The following CRLS1 variants were observed in gnomAD, a reference collection of about 807,000 sequenced individuals.
CRLS1 encodes cardiolipin synthase 1, also known as cardiolipin synthase (CMP-forming).
In CRLS1, 24 loss-of-function variants were observed where a neutral mutation model predicts 37.0. The observed-to-expected ratio is 0.65, with a 90% confidence interval of 0.47 to 0.91. CRLS1 has a LOEUF of 0.91. Ranked by LOEUF, CRLS1 falls within the 40% of genes least tolerant of loss-of-function variation. The pLI is 0.00. For synonymous variants in CRLS1, 135 were observed against 159.7 expected (o/e 0.85, Z 1.17); for missense variants, 373 against 395.8 (o/e 0.94, Z 0.49).
rs57347731 is a variant in CRLS1, at chr20:6,039,261, TTGTGTGTGTGTGTGTGTGTGTGTG to T, written c.*2123_*2146del. ...CACCAACTGTGCTTTGCAGTTTTGT[TTGTGTGTGTGTGTGTGTGTGTGTG>T]TGTGTGTGTGTGTGTGTGTATTTTG... On this transcript the variant is annotated 3_prime_UTR_variant, in exon 7 of 7. Transcript: ENST00000378863. 3.4e-5 allele frequency: 5 copies of T among 147,856 alleles called. No homozygotes were observed. The highest frequency in any genetic ancestry group is 4.0e-4 in the East Asian group (2 of 5,000). 9.2% of individuals were successfully genotyped at this position (147,856 alleles called of 1,614,324 possible).
intron 2 of CRLS1, among the ~76,000 whole-genome samples, chr20:6,014,849 G>A (rs1294009229): frequency 6.6e-6 from 1 of 152,158 alleles, no homozygotes; most frequent in Non-Finnish European, 1.5e-5. Context: ...AGGCCAGGTA[G>A]AGAGGATTGA....
At position 6,009,920 on chromosome 20, in the gene CRLS1, G is replaced by A; in HGVS notation, c.444+8G>A. On this transcript the variant is annotated splice_region_variant and intron_variant, in intron 2 of 6. Transcript: ENST00000378863. The stretch of plus-strand genomic sequence containing the variant: ...GCTGGACTAACAGATTTGGTAAGTT[G>A]TAAATGCACTCCCAGTTTGCTCTCC... 1 of 1,612,824 alleles carries A rather than the reference G, an allele frequency of 6.2e-7. No individual in the cohort carries two copies. Among genetic ancestry groups the A allele is most frequent in the Non-Finnish European group, 8.5e-7 (1 of 1,179,224 alleles).
At chr20:6,010,116 C>T (rs868386739) in intron 2 of CRLS1, among the ~76,000 whole-genome samples, 3 of 145,718 alleles carry the variant, frequency 2.1e-5, no homozygotes, top group Non-Finnish European at 3.0e-5. Flanking sequence ...AAGGAGGAAG[C>T]GAAAGTTGTA....
intron 3 of CRLS1, among the ~76,000 whole-genome samples, chr20:6,016,387 CTAA>C (rs1349599551): frequency 1.3e-5 from 2 of 151,984 alleles, no homozygotes; most frequent in Non-Finnish European, 1.5e-5. Context: ...ATAAATTGGA[CTAA>C]TGTTTACTTT....
chr20:6,016,676 T>G (rs1034828921), intron 3 of CRLS1, among the ~76,000 whole-genome samples: 3 of 152,216 alleles, frequency 2.0e-5, no homozygotes, highest in Non-Finnish European at 2.9e-5. Flanking sequence ...GTTTCCAGGT[T>G]TTTTGGAATT....
Position 6,006,470 on chromosome 20 carries a change from C to G in CRLS1, c.224C>G (p.Ala75Gly). 1 of 1,399,470 alleles carries G rather than the reference C, an allele frequency of 7.1e-7. No individual in the cohort carries two copies. Among genetic ancestry groups the G allele is most frequent in the Non-Finnish European group, 9.3e-7 (1 of 1,079,126 alleles). The allele number at this position is 1,399,470 out of a possible 1,614,324, so 86.7% of individuals were successfully genotyped here. A position where few individuals can be genotyped will look rare whatever the true frequency, so the allele number is the denominator to read the frequency against. The part of the protein sequence containing the change: ...QRNHCSGAGK[A>G]APRPAAGAGA... Reference sequence around the variant, plus strand: ...AACCACTGTTCGGGCGCGGGGAAGGCGGCTCCCAGGCCAGCGGCCGGAGCG... The same window carrying G: ...AACCACTGTTCGGGCGCGGGGAAGGGGGCTCCCAGGCCAGCGGCCGGAGCG... Residue 75 changes from alanine (A) to glycine (G), a missense_variant, in exon 1 of 7, where the codon GCG becomes GGG. Transcript: ENST00000378863.
intron 3 of CRLS1, among the ~76,000 whole-genome samples, chr20:6,025,059 T>C (rs1359496337): frequency 6.6e-6 from 1 of 152,198 alleles, no homozygotes; most frequent in African/African-American, 2.4e-5. Context: ...CAGCAAGTTA[T>C]ACAGAAAATC....
At chr20:6,007,347 G>T in intron 1 of CRLS1, 3 of 1,611,502 alleles carry the variant, frequency 1.9e-6, no homozygotes, top group Non-Finnish European at 1.7e-6. Context: ...TGGATACTTT[G>T]AAGTTGCCAT....
intron 1 of CRLS1, among the ~76,000 whole-genome samples, chr20:6,008,389 G>T (rs555265045): frequency 2.6e-5 from 4 of 152,176 alleles, no homozygotes; most frequent in South Asian, 2.1e-4. Context: ...TCTTAGCTCC[G>T]CTGGGCCGAG....
intron 1 of CRLS1, chr20:6,007,257 T>G (rs2090070538): frequency 9.8e-6 from 15 of 1,538,282 alleles, no homozygotes; most frequent in Admixed American, 2.0e-5. Context: ...TCATCAGTTG[T>G]ACAGCATGGG....
At chr20:6,037,018 T>A in intron 6 of CRLS1, 56 bp from the exon 7 acceptor site, 2 of 1,210,520 alleles carry the variant, frequency 1.7e-6, no homozygotes, top group Non-Finnish European at 2.4e-6. Context: ...ATGATTCCCG[T>A]TGCTACTATT....
chr20:6,018,666 C>T (rs1394845714), intron 3 of CRLS1, among the ~76,000 whole-genome samples: 4 of 152,060 alleles, frequency 2.6e-5, no homozygotes, highest in African/African-American at 7.2e-5. Flanking sequence ...TGTAGAGATG[C>T]GGTTTTGCTA....
At chr20:6,030,040 G>T (rs1480925983) in intron 3 of CRLS1, among the ~76,000 whole-genome samples, 1 of 151,956 alleles carries the variant, frequency 6.6e-6, no homozygotes, top group Non-Finnish European at 1.5e-5. Context: ...TTTTGGAAGG[G>T]ATGTTCATGA....
chr20:6,022,600 A>G (rs1979367581), intron 3 of CRLS1, among the ~76,000 whole-genome samples: 1 of 152,118 alleles, frequency 6.6e-6, no homozygotes, highest in South Asian at 2.1e-4. Context: ...GGCCTTCCAA[A>G]GCGCTCTGAT....
intron 5 of CRLS1, among the ~76,000 whole-genome samples, chr20:6,033,091 TTA>T (rs1980296368): frequency 1.3e-5 from 2 of 149,996 alleles, no homozygotes; most frequent in African/African-American, 4.9e-5. Flanking sequence ...ATTTTATATT[TTA>T]TATTTTATTT....
intron 2 of CRLS1, among the ~76,000 whole-genome samples, chr20:6,012,994 C>T (rs954791742): frequency 1.3e-5 from 2 of 151,906 alleles, no homozygotes; most frequent in South Asian, 2.1e-4. Flanking sequence ...GGGGTGGGGA[C>T]GATTGGAGTG....
chr20:6,015,997 T>C (rs1978715261), intron 3 of CRLS1: 1 of 155,414 alleles, frequency 6.4e-6, no homozygotes, highest in Non-Finnish European at 1.4e-5. Context: ...GATTTCATGA[T>C]TTTTTTGCTT....
intron 1 of CRLS1, chr20:6,007,422 G>C: frequency 6.2e-7 from 1 of 1,612,770 alleles, no homozygotes; most frequent in South Asian, 1.1e-5. Context: ...TTATCTGGTT[G>C]AGTAATCTGA....
intron 5 of CRLS1, 41 bp downstream of exon 5, chr20:6,032,121 A>G (rs766197282): frequency 5.5e-6 from 8 of 1,457,624 alleles, no homozygotes; most frequent in Non-Finnish European, 7.7e-6. Context: ...TCCTTTGTAA[A>G]TTTTTATTAT....
Sources: allele counts gnomAD v4.1 joint callset (sites outside exome capture counted in the v4.1 genomes callset), GRCh38; gene constraint gnomAD v4.1.1; transcripts MANE v1.5; gene names NCBI Gene and HGNC (gene_info 2026-07-23, HGNC 2026-07-21).